LGALS3: variants seen among roughly 807,000 people sequenced by gnomAD.
LGALS3 encodes the protein galectin-3.
LGALS3 carries 18 observed loss-of-function variants against 20.7 expected under a neutral mutation model. That is an observed-to-expected ratio of 0.87 (90% CI 0.60 to 1.29). The LOEUF (loss-of-function observed/expected upper bound fraction) is 1.29, where lower values mean the gene tolerates loss of function less well. Ranked by LOEUF, LGALS3 falls within the 50% of genes most tolerant of loss-of-function variation. The probability of loss-of-function intolerance (pLI) is 0.00; values close to 1 mark genes in which losing one functional copy is unlikely to be tolerated. For missense variants in LGALS3, 315 were observed against 314.7 expected (o/e 1.00, Z -0.01); for synonymous variants, 112 against 119.6 (o/e 0.94, Z 0.42).
chr14:55,142,773 A>G, intron 5 of LGALS3, 24 bp downstream of exon 5: 1 of 1,563,412 alleles, frequency 6.4e-7, no homozygotes, highest in Non-Finnish European at 8.8e-7. Flanking sequence ...ACTATTATAT[A>G]TTGATAATGT....
chr14:55,130,708 C>T lies in LGALS3; in HGVS notation c.-5+1408C>T, dbSNP rs552030415. On this transcript the variant is annotated intron_variant, in intron 1 of 5. Coordinates refer to ENST00000254301, the MANE Select transcript of LGALS3 (RefSeq NM_002306.4). ...CCGAGTAGCTGGGATTACAGGCATG[C>T]GCCACCATGCCCGGCTAATTTTGTA... Among the ~76,000 whole-genome samples the T allele has an allele frequency of 4.6e-4, 66 of 144,516 alleles. 1 individual carries two copies. The highest frequency in any genetic ancestry group is 1.5e-3 in the African/African-American group (60 of 39,516). The allele number at this position is 144,516 out of a possible 152,430, so 94.8% of individuals were successfully genotyped here.
rs367771588 is a variant in LGALS3 at position 55,138,099 on chromosome 14, G to A, written c.73G>A (p.Ala25Thr). ...CCCAAACCCTCAAGGATGGCCTGGC[G>A]CATGGGGGAACCAGCCTGCTGGGGC... ...GNPNPQGWPG[A>T]WGNQPAGAGG... The change falls in exon 3 of 6, where the codon GCA becomes ACA. Residue 25 changes from alanine (A) to threonine (T), a missense_variant. Physicochemically the swap from Ala to Thr is moderately conservative, Grantham distance 58. Transcript: ENST00000254301. 1.7e-5 allele frequency: 26 copies of A among 1,532,148 alleles called. No individual in the cohort carries two copies. The highest frequency in any genetic ancestry group is 1.7e-4 in the African/African-American group (12 of 71,876). 94.9% of individuals were successfully genotyped at this position (1,532,148 alleles called of 1,614,324 possible).
intron 1 of LGALS3, among the ~76,000 whole-genome samples, chr14:55,135,397 C>T (rs955897974): frequency 4.6e-5 from 7 of 151,122 alleles, no homozygotes; most frequent in African/African-American, 1.7e-4. Flanking sequence ...GGACATATTC[C>T]AAAATAAAAA....
intron 2 of LGALS3, chr14:55,137,825 C>T (rs758869351): frequency 6.2e-5 from 80 of 1,298,688 alleles, no homozygotes; most frequent in Admixed American, 1.1e-4. Context: ...TGATCTGAGA[C>T]GTTGGGAGGC....
In LGALS3 at chr14:55,138,572, T is replaced by C; in HGVS notation, c.342+204T>C. ...GTAATGAGTATTTTGAAGGCACTGA[T>C]AAAACTGCTTATGAATATAAATCAA... On this transcript the variant is annotated intron_variant, in intron 3 of 5. Coordinates refer to ENST00000254301, the MANE Select transcript of LGALS3 (RefSeq NM_002306.4). 4.2e-6 allele frequency: 3 copies of C among 707,426 alleles called. No homozygotes were observed. In the South Asian group the frequency reaches 4.5e-5, roughly 11 times the overall value. The allele number at this position is 707,426 out of a possible 1,614,324, so 43.8% of individuals were successfully genotyped here.
At position 55,136,053 on chromosome 14, in the gene LGALS3, C is replaced by T. The variant is rs555275450; in HGVS notation, c.-4-1317C>T. 3.3e-5 allele frequency among the ~76,000 whole-genome samples: 5 copies of T among 152,302 alleles called. No homozygotes were observed. In the East Asian group the frequency reaches 9.6e-4, roughly 29 times the overall value. ...TGAGCTTAGGAAGAACTCACCCATG[C>T]CTCAGGGGCCCAGCTGCCCTCCTCC... On this transcript the variant is annotated intron_variant, in intron 1 of 5. Coordinates refer to ENST00000254301, the MANE Select transcript of LGALS3 (RefSeq NM_002306.4).
chr14:55,137,090 A>C, intron 1 of LGALS3: 1 of 532,602 alleles, frequency 1.9e-6, no homozygotes, highest in Non-Finnish European at 3.4e-6. Context: ...AACCCAGAGT[A>C]GGGGATGGGG....
At chr14:55,141,647 G>A (rs192679373) in intron 4 of LGALS3, among the ~76,000 whole-genome samples, 324 of 152,096 alleles carry the variant, frequency 2.1e-3, no homozygotes, top group Non-Finnish European at 3.5e-3. Flanking sequence ...TCTATATGAC[G>A]AACTGTGTAG....
Position 55,138,285 on chromosome 14 carries a change from G to A in LGALS3, c.259G>A (p.Gly87Arg). 1 of 1,612,838 alleles carries A rather than the reference G, an allele frequency of 6.2e-7. No homozygotes were observed. ...GVYPGPPSGP[G>R]AYPSSGQPSA... ...CTACCCAGGGCCACCCAGCGGCCCT[G>A]GGGCCTACCCATCTTCTGGACAGCC... Residue 87 changes from glycine (G) to arginine (R), a missense_variant, in exon 3 of 6, where the codon GGG becomes AGG. Transcript: ENST00000254301.
rs1278381570 is a variant in LGALS3, at chr14:55,138,027, GTA to G, written c.19-16_19-15del. The G allele has an allele frequency of 4.0e-6, 6 of 1,490,304 alleles. No homozygotes were observed. Among genetic ancestry groups the G allele is most frequent in the South Asian group, 1.5e-5 (1 of 67,270 alleles). The allele number at this position is 1,490,304 out of a possible 1,614,324, so 92.3% of individuals were successfully genotyped here. A position where few individuals can be genotyped will look rare whatever the true frequency, so the allele number is the denominator to read the frequency against. ...AGAATGCTTTCTGTCCCGTAATTGT[GTA>G]TGTCTTTCTTTCCAGCTCCATGATG... On this transcript the variant is annotated splice_polypyrimidine_tract_variant and intron_variant, in intron 2 of 5. Coordinates refer to ENST00000254301, the MANE Select transcript of LGALS3 (RefSeq NM_002306.4).
chr14:55,142,318 G>A (rs1436722844), intron 4 of LGALS3, among the ~76,000 whole-genome samples: 1 of 152,170 alleles, frequency 6.6e-6, no homozygotes, highest in Non-Finnish European at 1.5e-5. Flanking sequence ...CATTACAGAT[G>A]AATGGAAATA....
At position 55,145,136 on chromosome 14, in the gene LGALS3, T is replaced by C. The variant is rs1338994270; in HGVS notation, c.618T>C (p.Pro206=). 6.2e-7 allele frequency: 1 copy of C among 1,614,048 alleles called. No individual in the cohort carries two copies. The change falls in exon 6 of 6, where the codon CCT becomes CCC. Residue 206 remains proline, a synonymous_variant. Coordinates refer to ENST00000254301, the MANE Select transcript of LGALS3 (RefSeq NM_002306.4). ...KPFKIQVLVE[P]DHFKVAVNDA... The stretch of plus-strand genomic sequence containing the variant: ...TTCAGATACAAGTACTGGTTGAACC[T>C]GACCACTTCAAGGTTGCAGTGAATG...
downstream of LGALS3, chr14:55,145,425 A>G (rs1216196148): frequency 1.5e-6 from 2 of 1,372,022 alleles, no homozygotes; most frequent in East Asian, 2.5e-5. Flanking sequence ...CTGTCTCAAT[A>G]TGTCATTTAA....
chr14:55,144,289 T>C (rs1273786119), intron 5 of LGALS3, among the ~76,000 whole-genome samples: 1 of 152,128 alleles, frequency 6.6e-6, no homozygotes, highest in Non-Finnish European at 1.5e-5. Context: ...ACCACAGATG[T>C]ATGCCACCCA....
chr14:55,140,648 C>T (rs8004787), intron 4 of LGALS3, among the ~76,000 whole-genome samples: 84,585 of 152,018 alleles, frequency 0.56, 26,573 homozygotes, highest in African/African-American at 0.87. Flanking sequence ...ATCTTCATGG[C>T]TGAAGGCAGG....
At chr14:55,137,672 T>A (rs1005584447) in intron 2 of LGALS3, 18 of 1,411,756 alleles carry the variant, frequency 1.3e-5, no homozygotes, top group Admixed American at 1.2e-4. Flanking sequence ...AGCTGAGAAA[T>A]CCTCTGAGTA....
chr14:55,140,462 ATTTT>A, intron 4 of LGALS3, 99 bp downstream of exon 4: 1 of 672,212 alleles, frequency 1.5e-6, no homozygotes, highest in Non-Finnish European at 2.5e-6. Flanking sequence ...TTACAGTGCT[ATTTT>A]GAATTTTAGT....
chr14:55,138,167 G>A lies in LGALS3; in HGVS notation c.141G>A (p.Gly47=), dbSNP rs1254702250. Residue 47 remains glycine (G), a synonymous_variant, in exon 3 of 6, where the codon GGG becomes GGA. Coordinates refer to ENST00000254301, the MANE Select transcript of LGALS3 (RefSeq NM_002306.4). ...CTTCCTATCCTGGGGCCTACCCCGG[G>A]CAGGCACCCCCAGGGGCTTATCCTG... ...PGASYPGAYP[G]QAPPGAYPGQ... 2 of 1,605,396 alleles carry A rather than the reference G, an allele frequency of 1.2e-6. No individual in the cohort carries two copies. The highest frequency in any genetic ancestry group is 8.5e-7 in the Non-Finnish European group (1 of 1,177,168).
intron 1 of LGALS3, among the ~76,000 whole-genome samples, chr14:55,131,980 C>T (rs1881245269): frequency 6.6e-6 from 1 of 152,178 alleles, no homozygotes; most frequent in Non-Finnish European, 1.5e-5. Context: ...CAGTGTAGGG[C>T]AGTGCCTAGG....
Sources: gnomAD v4.1 joint callset for allele counts (sites outside exome capture counted in the v4.1 genomes callset) on GRCh38, gnomAD v4.1.1 for gene constraint, MANE v1.5 for transcripts, NCBI Gene and HGNC (gene_info 2026-07-23, HGNC 2026-07-21) for gene names.